EFEMP1: variants seen among roughly 807,000 people sequenced by gnomAD.
EFEMP1 encodes the protein EGF-like fibulin extracellular matrix protein 1.
In EFEMP1, 18 loss-of-function variants were observed where a neutral mutation model predicts 65.7. That is an observed-to-expected ratio of 0.27 (90% confidence interval 0.19 to 0.41). The LOEUF (loss-of-function observed/expected upper bound fraction) is 0.41. Among genes scored for constraint, EFEMP1 ranks in the 10% least tolerant of loss-of-function variants. EFEMP1 has a pLI of 1.00. For synonymous variants in EFEMP1, 237 were observed against 219.7 expected (o/e 1.08, Z -0.70); for missense variants, 469 against 624.8 (o/e 0.75, Z 2.66).
chr2:55,879,388 A>G (rs2104388044), intron 6 of EFEMP1, among the ~76,000 whole-genome samples: 1 of 152,322 alleles, frequency 6.6e-6, no homozygotes, highest in East Asian at 1.9e-4. Flanking sequence ...ATGGTATTAT[A>G]CTTTCTAATA....
chr2:55,909,545 C>T (rs1453269470), intron 5 of EFEMP1, among the ~76,000 whole-genome samples: 1 of 152,146 alleles, frequency 6.6e-6, no homozygotes, highest in East Asian at 1.9e-4. Context: ...TGTGCAGTTA[C>T]AGTATGATTA....
intron 5 of EFEMP1, among the ~76,000 whole-genome samples, chr2:55,892,546 G>T (rs1051894160): frequency 6.6e-6 from 1 of 152,084 alleles, no homozygotes. Flanking sequence ...GGATTAAATG[G>T]CTCTGTTAGA....
chr2:55,878,019 C>G (rs1042586842), intron 6 of EFEMP1, among the ~76,000 whole-genome samples, 154 bp from the exon 7 acceptor site: 19 of 152,104 alleles, frequency 1.2e-4, no homozygotes, highest in African/African-American at 4.3e-4. Context: ...TTTAAATATA[C>G]TTTGTATTCT....
chr2:55,870,864 T>G lies in EFEMP1; in HGVS notation c.1176A>C (p.Ser392=). Residue 392 remains serine, a synonymous_variant, in exon 11 of 12, where the codon TCA becomes TCC. Transcript: ENST00000355426. The surrounding 1 kb of genome is among the most constrained non-coding windows in gnomAD (Gnocchi z 5.8). ...SNAMCRELPQ[S]IVYKYMSIRS... ...GGATGCTCATGTATTTGTAGACTAT[T>G]GACTGGGGCAGTTCTCGGCACATGG... The G allele has an allele frequency of 6.2e-7, 1 of 1,613,824 alleles. No homozygotes were observed. The highest frequency in any genetic ancestry group is 8.5e-7 in the Non-Finnish European group (1 of 1,179,850).
chr2:55,903,425 C>T (rs1205126039), intron 5 of EFEMP1, among the ~76,000 whole-genome samples: 2 of 152,204 alleles, frequency 1.3e-5, no homozygotes, highest in Admixed American at 6.5e-5. Flanking sequence ...ATATCAGTTT[C>T]TTGGTAGGAA....
At chr2:55,872,880 T>C (rs1668869438) in intron 9 of EFEMP1, among the ~76,000 whole-genome samples, 1 of 152,052 alleles carries the variant, frequency 6.6e-6, no homozygotes, top group African/African-American at 2.4e-5. Context: ...ACTTATTTGT[T>C]ATATGGAGTC....
chr2:55,895,658 C>G (rs1437130248), intron 5 of EFEMP1, among the ~76,000 whole-genome samples: 7 of 151,968 alleles, frequency 4.6e-5, no homozygotes, highest in Admixed American at 2.6e-4. Flanking sequence ...TCTCCTGCCT[C>G]AGCCTCCGGA....
chr2:55,874,752 A>G (rs533846024), intron 9 of EFEMP1, among the ~76,000 whole-genome samples, 194 bp downstream of exon 9: 1 of 152,136 alleles, frequency 6.6e-6, no homozygotes, highest in African/African-American at 2.4e-5. Context: ...TTTAAGGACG[A>G]AAAATGTCGG....
intron 5 of EFEMP1, among the ~76,000 whole-genome samples, chr2:55,897,370 A>G (rs1335220118): frequency 7.1e-6 from 1 of 141,364 alleles, no homozygotes; most frequent in Non-Finnish European, 1.5e-5. Context: ...CCCCGATCTT[A>G]TTCTTCCTAA....
In EFEMP1 at chr2:55,883,061, C is replaced by T. The variant is rs1669305931; in HGVS notation, c.518-1327G>A. 6.6e-6 allele frequency among the ~76,000 whole-genome samples: 1 copy of T among 152,056 alleles called. No homozygotes were observed. Among genetic ancestry groups the T allele is most frequent in the African/African-American group, 2.4e-5 (1 of 41,394 alleles). Reference sequence around the variant, plus strand: ...GTTGAGATTGTAAAAGGGTTGTCCTCAGAAATCAGCTTCACTTAGCTGGGT... The same window carrying T: ...GTTGAGATTGTAAAAGGGTTGTCCTTAGAAATCAGCTTCACTTAGCTGGGT... On this transcript the variant is annotated intron_variant, in intron 5 of 11. Coordinates refer to ENST00000355426, the MANE Select transcript of EFEMP1 (RefSeq NM_001039348.3). This position sits in a 1 kb window ranked among gnomAD's most constrained non-coding sequence, Gnocchi z 4.5.
intron 5 of EFEMP1, among the ~76,000 whole-genome samples, chr2:55,914,841 G>A (rs1670615959): frequency 6.6e-6 from 1 of 152,142 alleles, no homozygotes; most frequent in Non-Finnish European, 1.5e-5. Flanking sequence ...CCATGATGAT[G>A]TCAATAATAT....
At chr2:55,906,722 T>G (rs7577612) in intron 5 of EFEMP1, among the ~76,000 whole-genome samples, 34,974 of 152,154 alleles carry the variant, frequency 0.23, 4,338 homozygotes, top group East Asian at 0.55. Context: ...TTCAGACTAC[T>G]TCCTGACTAT....
chr2:55,886,347 T>A lies in EFEMP1; in HGVS notation c.518-4613A>T, dbSNP rs1026750365. Among the ~76,000 whole-genome samples, 1 of 152,194 alleles carries A rather than the reference T, an allele frequency of 6.6e-6. No homozygotes were observed. The highest frequency in any genetic ancestry group is 2.4e-5 in the African/African-American group (1 of 41,456). On this transcript the variant is annotated intron_variant, in intron 5 of 11. Transcript: ENST00000355426. The surrounding 1 kb of genome is among the most constrained non-coding windows in gnomAD (Gnocchi z 4.0). ...AAACCCCTGGAGTAAAATAACCGTA[T>A]CTTTACTAGTTCTGTGTGGGGCACT...
chr2:55,901,584 G>T (rs772319769), intron 5 of EFEMP1, among the ~76,000 whole-genome samples: 9 of 152,078 alleles, frequency 5.9e-5, no homozygotes, highest in Non-Finnish European at 1.0e-4. Flanking sequence ...TGCTGGGGAG[G>T]GGGTATATTT....
In EFEMP1 at chr2:55,877,390, C is replaced by G. The variant is rs1669077925; in HGVS notation, c.760+356G>C. ...AAGGGGAGAAGAGGCATGTAAAAAT[C>G]AGATGCACTTTCAGTGGAAAGTTTA... On this transcript the variant is annotated intron_variant, in intron 7 of 11. Coordinates refer to ENST00000355426, the MANE Select transcript of EFEMP1 (RefSeq NM_001039348.3). This position sits in a 1 kb window ranked among gnomAD's most constrained non-coding sequence, Gnocchi z 4.5. 6.6e-6 allele frequency among the ~76,000 whole-genome samples: 1 copy of G among 152,152 alleles called. No homozygotes were observed. Among genetic ancestry groups the G allele is most frequent in the Non-Finnish European group, 1.5e-5 (1 of 68,018 alleles).
At chr2:55,911,365 G>T (rs1185765464) in intron 5 of EFEMP1, among the ~76,000 whole-genome samples, 8 of 152,024 alleles carry the variant, frequency 5.3e-5, no homozygotes, top group African/African-American at 1.9e-4. Context: ...TTCTGACCCT[G>T]CCCTCTGATT....
At chr2:55,878,497 C>A (rs1384621619) in intron 6 of EFEMP1, among the ~76,000 whole-genome samples, 1 of 152,074 alleles carries the variant, frequency 6.6e-6, no homozygotes, top group Non-Finnish European at 1.5e-5. Context: ...ATAAAATGCT[C>A]AACTAAGAAC....
Position 55,877,106 on chromosome 2 carries a change from T to A in EFEMP1, c.761-364A>T, listed in dbSNP as rs929975188. ...TTGTTCAGATACAAAATGCCAATTC[T>A]ATAAATAATTGATATAAGACACTTA... On this transcript the variant is annotated intron_variant, in intron 7 of 11. Coordinates refer to ENST00000355426, the MANE Select transcript of EFEMP1 (RefSeq NM_001039348.3). The surrounding 1 kb of genome is among the most constrained non-coding windows in gnomAD (Gnocchi z 4.5). Among the ~76,000 whole-genome samples the A allele has an allele frequency of 2.0e-5, 3 of 152,178 alleles. No individual in the cohort carries two copies. Among genetic ancestry groups the A allele is most frequent in the African/African-American group, 2.4e-5 (1 of 41,444 alleles).
At chr2:55,913,499 A>T (rs2104445984) in intron 5 of EFEMP1, among the ~76,000 whole-genome samples, 1 of 152,308 alleles carries the variant, frequency 6.6e-6, no homozygotes, top group South Asian at 2.1e-4. Context: ...ATTACCAGGT[A>T]TGCAAAATGC....
Sources: gnomAD v4.1 joint callset for allele counts (sites outside exome capture counted in the v4.1 genomes callset) on GRCh38, gnomAD v4.1.1 for gene constraint, Gnocchi (gnomAD v3.1) non-coding constraint, MANE v1.5 for transcripts, NCBI Gene and HGNC (gene_info 2026-07-23, HGNC 2026-07-21) for gene names.